The following B3GALT1 variants were observed in gnomAD, a reference collection of about 807,000 sequenced individuals.
B3GALT1 encodes the protein UDP-Gal:betaGlcNAc beta 1,3-galactosyltransferase, polypeptide 1.
B3GALT1 carries 10 observed loss-of-function variants against 23.2 expected under a neutral mutation model. That is an observed-to-expected ratio of 0.43 (90% CI 0.27 to 0.73). The LOEUF (loss-of-function observed/expected upper bound fraction) is 0.73, where lower values mean the gene tolerates loss of function less well. Ranked by LOEUF, B3GALT1 falls within the 30% of genes least tolerant of loss-of-function variation. The pLI, the probability that B3GALT1 is intolerant of heterozygous loss-of-function variation, is 0.21. For synonymous variants in B3GALT1, 156 were observed against 141.5 expected (o/e 1.10, Z -0.73); for missense variants, 299 against 405.4 (o/e 0.74, Z 2.25).
intron 3 of B3GALT1, among the ~76,000 whole-genome samples, chr2:167,732,071 A>G (rs1687418858): frequency 6.6e-6 from 1 of 152,194 alleles, no homozygotes; most frequent in African/African-American, 2.4e-5. Flanking sequence ...CTATGTGAAT[A>G]TGGCCAAGAA....
intron 1 of B3GALT1, among the ~76,000 whole-genome samples, chr2:167,354,719 C>G (rs1368322866): frequency 2.0e-5 from 3 of 152,142 alleles, no homozygotes; most frequent in Non-Finnish European, 2.9e-5. Context: ...AACCTACTGC[C>G]CAGTTTGTTA....
chr2:167,628,652 A>C (rs1192944463), intron 2 of B3GALT1, among the ~76,000 whole-genome samples: 1 of 151,856 alleles, frequency 6.6e-6, no homozygotes, highest in South Asian at 2.1e-4. Context: ...ACTTCACTCA[A>C]ATTCTCTTGT....
intron 2 of B3GALT1, among the ~76,000 whole-genome samples, chr2:167,626,097 A>G (rs1160542052): frequency 6.6e-6 from 1 of 151,040 alleles, no homozygotes; most frequent in Admixed American, 6.6e-5. Context: ...AAAGAAAAAG[A>G]GAAGGTGATT....
chr2:167,647,905 G>A (rs1453690195), intron 3 of B3GALT1, among the ~76,000 whole-genome samples: 1 of 152,074 alleles, frequency 6.6e-6, no homozygotes, highest in Non-Finnish European at 1.5e-5. Context: ...ATCTCCTCAA[G>A]CATTTATCCT....
intron 1 of B3GALT1, among the ~76,000 whole-genome samples, chr2:167,346,698 A>C (rs2105251896): frequency 6.6e-6 from 1 of 151,546 alleles, no homozygotes; most frequent in South Asian, 2.1e-4. Flanking sequence ...CATCACATAA[A>C]AAGTATCAAG....
At chr2:167,511,727 C>T (rs1700007342) in intron 2 of B3GALT1, among the ~76,000 whole-genome samples, 1 of 151,826 alleles carries the variant, frequency 6.6e-6, no homozygotes, top group Non-Finnish European at 1.5e-5. Flanking sequence ...TTTTCCTTTT[C>T]CTACTTTTCT....
chr2:167,813,500 T>TC (rs1031279323), intron 3 of B3GALT1, among the ~76,000 whole-genome samples: 18 of 152,178 alleles, frequency 1.2e-4, no homozygotes, highest in East Asian at 5.8e-4. Context: ...CAGGACAACT[T>TC]CCCCCCCATT....
chr2:167,472,728 T>C (rs1380262969), intron 1 of B3GALT1, among the ~76,000 whole-genome samples: 1 of 152,104 alleles, frequency 6.6e-6, no homozygotes, highest in Non-Finnish European at 1.5e-5. Flanking sequence ...CTTGCTGTGC[T>C]CTTCCTCATT....
At position 167,679,283 on chromosome 2, in the gene B3GALT1, T is replaced by C. The variant is rs574793641; in HGVS notation, c.-352+32317T>C. Among the ~76,000 whole-genome samples, 17 of 152,292 alleles carry C rather than the reference T, an allele frequency of 1.1e-4. No individual in the cohort carries two copies. The South Asian group carries it at 3.5e-3, about 32-fold the overall frequency. ...ACAGGCATGTGCCACCACACCTGGC[T>C]AATTTTTGTATTATTAGTAGAGACA... On this transcript the variant is annotated intron_variant, in intron 3 of 4. Coordinates refer to ENST00000392690, the MANE Select transcript of B3GALT1 (RefSeq NM_020981.4).
chr2:167,588,845 CTTT>C (rs1684622817), intron 2 of B3GALT1, among the ~76,000 whole-genome samples: 1 of 128,342 alleles, frequency 7.8e-6, no homozygotes, highest in East Asian at 3.0e-4. Flanking sequence ...TTCCTTCCTT[CTTT>C]CCTTCCTTCC....
Position 167,769,875 on chromosome 2 carries a change from G to A in B3GALT1, c.-351-48797G>A, listed in dbSNP as rs903359445. ...AGGAACAATATATTCAAGATTTTGT[G>A]CAAACATGAATTTTAATTTCATTTG... On this transcript the variant is annotated intron_variant, in intron 3 of 4. Transcript: ENST00000392690. 1.9e-4 allele frequency among the ~76,000 whole-genome samples: 29 copies of A among 152,254 alleles called. No individual in the cohort carries two copies. In the South Asian group the frequency reaches 2.1e-3, roughly 11 times the overall value.
intron 1 of B3GALT1, among the ~76,000 whole-genome samples, chr2:167,399,266 T>C (rs952382058): frequency 6.7e-6 from 1 of 149,786 alleles, no homozygotes; most frequent in African/African-American, 2.4e-5. Context: ...CTTCAAAACA[T>C]GTGTCAAGTT....
intron 4 of B3GALT1, among the ~76,000 whole-genome samples, chr2:167,839,336 G>T (rs899884382): frequency 2.0e-5 from 3 of 151,898 alleles, no homozygotes; most frequent in African/African-American, 7.3e-5. Flanking sequence ...AAAGTCTCAG[G>T]ATACAAAATC....
intron 4 of B3GALT1, among the ~76,000 whole-genome samples, chr2:167,827,345 T>C (rs1286483149): frequency 6.6e-6 from 1 of 152,138 alleles, no homozygotes; most frequent in Non-Finnish European, 1.5e-5. Flanking sequence ...CAAAACAAAA[T>C]GCAGTTGGCT....
chr2:167,567,113 T>C (rs944057712), intron 2 of B3GALT1, among the ~76,000 whole-genome samples: 21 of 152,168 alleles, frequency 1.4e-4, no homozygotes, highest in African/African-American at 2.4e-5. Context: ...ATGATCCCCT[T>C]CCTGTATAGT....
At chr2:167,421,900 C>T (rs1008015408) in intron 1 of B3GALT1, among the ~76,000 whole-genome samples, 2 of 152,156 alleles carry the variant, frequency 1.3e-5, no homozygotes, top group African/African-American at 4.8e-5. Context: ...AGTAAGTAAG[C>T]ACTAGAATTT....
At chr2:167,477,333 C>T (rs1699501327) in intron 1 of B3GALT1, among the ~76,000 whole-genome samples, 2 of 152,134 alleles carry the variant, frequency 1.3e-5, no homozygotes, top group Admixed American at 1.3e-4. Context: ...TTCCATTATG[C>T]CACACCCTGT....
intron 2 of B3GALT1, among the ~76,000 whole-genome samples, chr2:167,638,053 C>T (rs915257808): frequency 1.3e-5 from 2 of 151,972 alleles, no homozygotes; most frequent in Non-Finnish European, 2.9e-5. Context: ...GCACAGAACA[C>T]TATATAATAC....
intron 2 of B3GALT1, among the ~76,000 whole-genome samples, chr2:167,585,964 A>T (rs1169433299): frequency 6.6e-6 from 1 of 152,218 alleles, no homozygotes; most frequent in Admixed American, 6.5e-5. Context: ...CTGATCTATG[A>T]TGAGAGGTCA....
Sources: allele counts gnomAD v4.1 joint callset (sites outside exome capture counted in the v4.1 genomes callset), GRCh38; gene constraint gnomAD v4.1.1; transcripts MANE v1.5; gene names NCBI Gene and HGNC (gene_info 2026-07-23, HGNC 2026-07-21).